The following GPR176 variants were observed in gnomAD, a reference collection of about 807,000 sequenced individuals.
The protein encoded by GPR176 is G-protein coupled receptor 176.
A neutral mutation model predicts 35.4 loss-of-function variants in GPR176; 26 were observed. That is an observed-to-expected ratio of 0.74 (90% CI 0.54 to 1.02). The LOEUF is 1.02. GPR176 is among the 50% of genes least tolerant of loss of function. GPR176 has a pLI of 0.00. For missense variants in GPR176, 597 were observed against 665.3 expected (o/e 0.90, Z 1.13); for synonymous variants, 278 against 271.3 (o/e 1.02, Z -0.24).
At chr15:39,831,489 G>T (rs1292430228) in intron 1 of GPR176, among the ~76,000 whole-genome samples, 2 of 152,088 alleles carry the variant, frequency 1.3e-5, no homozygotes, top group Non-Finnish European at 2.9e-5. Context: ...TAAATCCATT[G>T]TTGGTTTCCT....
At chr15:39,893,846 TAG>T (rs2032975763) in intron 1 of GPR176, among the ~76,000 whole-genome samples, 2 of 123,654 alleles carry the variant, frequency 1.6e-5, no homozygotes, top group South Asian at 5.1e-4. Context: ...CACTTCCCAG[TAG>T]GGGCGGCCGG....
chr15:39,914,755 A>G (rs530598429), intron 1 of GPR176, among the ~76,000 whole-genome samples: 3 of 152,376 alleles, frequency 2.0e-5, no homozygotes, highest in East Asian at 3.8e-4. Context: ...ATTACAAATT[A>G]TAAGTGCAAA....
chr15:39,823,176 T>A (rs1262078428), intron 1 of GPR176, among the ~76,000 whole-genome samples: 3 of 152,232 alleles, frequency 2.0e-5, no homozygotes, highest in African/African-American at 7.2e-5. Flanking sequence ...GGTGAAATTT[T>A]AATAACTTTC....
In GPR176 at chr15:39,822,435, G is replaced by A. The variant is rs77280219; in HGVS notation, c.173-15177C>T. On this transcript the variant is annotated intron_variant, in intron 1 of 2. Transcript: ENST00000561100. ...CCAAACACTGCCTCACTCATTACAG[G>A]TGTTAAATAACTATAATATCACAAA... 9.9e-3 allele frequency among the ~76,000 whole-genome samples: 1,506 copies of A among 152,220 alleles called. 30 individuals are homozygous for A. Among genetic ancestry groups the A allele is most frequent in the African/African-American group, 0.034 (1,423 of 41,532 alleles).
intron 1 of GPR176, among the ~76,000 whole-genome samples, chr15:39,886,935 T>A (rs1044721317): frequency 6.6e-6 from 1 of 152,184 alleles, no homozygotes; most frequent in Non-Finnish European, 1.5e-5. Flanking sequence ...AACTCCAGCA[T>A]CAAGCAGTCT....
intron 1 of GPR176, among the ~76,000 whole-genome samples, chr15:39,836,423 C>G (rs1010387757): frequency 6.6e-5 from 10 of 152,152 alleles, no homozygotes; most frequent in African/African-American, 2.4e-4. Flanking sequence ...TGTGACATGC[C>G]TGCTCCTTCT....
chr15:39,879,136 G>A (rs1017118025), intron 1 of GPR176, among the ~76,000 whole-genome samples: 26 of 152,334 alleles, frequency 1.7e-4, no homozygotes, highest in African/African-American at 6.0e-4. Flanking sequence ...TCATTTTACA[G>A]ACTACTGGGC....
intron 1 of GPR176, among the ~76,000 whole-genome samples, chr15:39,918,770 T>A (rs1285992048): frequency 2.0e-5 from 3 of 152,046 alleles, no homozygotes; most frequent in African/African-American, 7.3e-5. Flanking sequence ...TAGAGTAAAA[T>A]GGAATGATGA....
In GPR176 at chr15:39,908,542, G is replaced by T. The variant is rs79613365; in HGVS notation, c.172+11313C>A. ...ACTCAAACAAGTTTAAGCAATAAAG[G>T]AGATTTTCTTTTTTTTTTTTTCTTT... On this transcript the variant is annotated intron_variant, in intron 1 of 2. Transcript: ENST00000561100. Among the ~76,000 whole-genome samples the T allele has an allele frequency of 2.7e-3, 400 of 150,808 alleles. 5 individuals carry two copies. The highest frequency in any genetic ancestry group is 0.022 in the East Asian group (113 of 5,120).
chr15:39,843,631 A>G (rs572243331), intron 1 of GPR176, among the ~76,000 whole-genome samples: 32 of 152,290 alleles, frequency 2.1e-4, no homozygotes, highest in African/African-American at 7.5e-4. Context: ...GTAGGAAAGA[A>G]AGCCACATTC....
At chr15:39,862,470 T>C (rs574486989) in intron 1 of GPR176, 26 of 152,350 alleles carry the variant, frequency 1.7e-4, no homozygotes, top group African/African-American at 6.0e-4. Flanking sequence ...CAAAAGTCAG[T>C]GGACCACTAC....
At chr15:39,864,846 A>G (rs1206643014) in intron 1 of GPR176, among the ~76,000 whole-genome samples, 1 of 151,990 alleles carries the variant, frequency 6.6e-6, no homozygotes, top group Non-Finnish European at 1.5e-5. Context: ...CAACAAAAAA[A>G]TCCCAATAAT....
At chr15:39,816,571 A>G (rs1013228156) in intron 1 of GPR176, among the ~76,000 whole-genome samples, 1 of 152,266 alleles carries the variant, frequency 6.6e-6, no homozygotes, top group African/African-American at 2.4e-5. Context: ...TTTCATTAAG[A>G]AAAAGTAAAA....
chr15:39,851,119 A>G (rs1363022233), intron 1 of GPR176, among the ~76,000 whole-genome samples: 2 of 152,198 alleles, frequency 1.3e-5, no homozygotes, highest in Admixed American at 6.5e-5. Flanking sequence ...TTACTGAGAT[A>G]AGGACAATTT....
intron 1 of GPR176, among the ~76,000 whole-genome samples, chr15:39,886,830 G>T (rs1208924249): frequency 6.6e-6 from 1 of 152,198 alleles, no homozygotes. Flanking sequence ...TGATCCTTAA[G>T]AGGGGGCTTT....
chr15:39,820,572 C>T (rs1306438198), intron 1 of GPR176, among the ~76,000 whole-genome samples: 2 of 152,030 alleles, frequency 1.3e-5, no homozygotes, highest in Non-Finnish European at 2.9e-5. Flanking sequence ...GATTCTAGAC[C>T]CAGAATAATA....
chr15:39,802,011 G>C lies in GPR176; in HGVS notation c.669C>G (p.Leu223=), dbSNP rs774380388. 1 of 1,614,102 alleles carries C rather than the reference G, an allele frequency of 6.2e-7. No individual in the cohort carries two copies. The highest frequency in any genetic ancestry group is 1.7e-5 in the Admixed American group (1 of 60,014). ...TVIVPVVVVF[L]FLILIRRALS... ...GGGCCCGTCGGATCAGTATCAAGAA[G>C]AGGAACACCACCACCACAGGCACAA... Residue 223 remains leucine, a synonymous_variant, in exon 3 of 3, where the codon CTC becomes CTG. Transcript: ENST00000561100.
intron 1 of GPR176, among the ~76,000 whole-genome samples, chr15:39,863,035 G>T (rs1167372758): frequency 6.6e-6 from 1 of 151,298 alleles, no homozygotes; most frequent in Non-Finnish European, 1.5e-5. Flanking sequence ...CCTAACTAAT[G>T]TGTGTGTTTA....
intron 1 of GPR176, among the ~76,000 whole-genome samples, chr15:39,894,303 C>CG (rs1347715088): frequency 4.9e-5 from 5 of 101,270 alleles, no homozygotes; most frequent in East Asian, 3.5e-4. Flanking sequence ...GCTGGCCGGG[C>CG]GGGGGGCTGA....
Sources: allele counts gnomAD v4.1 joint callset (sites outside exome capture counted in the v4.1 genomes callset), GRCh38; gene constraint gnomAD v4.1.1; transcripts MANE v1.5; gene names NCBI Gene and HGNC (gene_info 2026-07-23, HGNC 2026-07-21).